The following SLX4IP variants were observed in gnomAD, a reference collection of about 807,000 sequenced individuals.
The protein encoded by SLX4IP is SLX4 interacting protein.
Under a neutral mutation model 32.9 loss-of-function variants are expected in SLX4IP, and 34 were observed. The observed-to-expected ratio is 1.03, with a 90% CI of 0.79 to 1.38. The LOEUF (loss-of-function observed/expected upper bound fraction) is 1.38. Ranked by LOEUF, SLX4IP falls within the 40% of genes most tolerant of loss-of-function variation. The probability of loss-of-function intolerance (pLI) is 0.00; values close to 1 mark genes in which losing one functional copy is unlikely to be tolerated. For missense variants in SLX4IP, 444 were observed against 479.0 expected (o/e 0.93, Z 0.68); for synonymous variants, 172 against 171.7 (o/e 1.00, Z -0.01).
chr20:10,543,711 A>G (rs2066133999), intron 2 of SLX4IP, among the ~76,000 whole-genome samples: 1 of 152,196 alleles, frequency 6.6e-6, no homozygotes, highest in Non-Finnish European at 1.5e-5. Flanking sequence ...AAGTAGTATG[A>G]GGATCATGAA....
At chr20:10,463,814 C>G (rs1289177753) in intron 2 of SLX4IP, among the ~76,000 whole-genome samples, 1 of 152,060 alleles carries the variant, frequency 6.6e-6, no homozygotes, top group Admixed American at 6.6e-5. Flanking sequence ...TGGGGTCTTG[C>G]CCTGTTGCTC....
chr20:10,613,661 C>G (rs1403670492), intron 6 of SLX4IP: 1 of 1,613,794 alleles, frequency 6.2e-7, no homozygotes, highest in African/African-American at 1.3e-5. Flanking sequence ...TCTTTGCATT[C>G]ATCTTTTGTG....
At chr20:10,531,055 C>A (rs1039680049) in intron 2 of SLX4IP, among the ~76,000 whole-genome samples, 1 of 152,178 alleles carries the variant, frequency 6.6e-6, no homozygotes, top group African/African-American at 2.4e-5. Context: ...CATGGATAGT[C>A]CACTGAGCAA....
intron 4 of SLX4IP, among the ~76,000 whole-genome samples, chr20:10,566,637 A>G (rs539197940): frequency 2.0e-5 from 3 of 152,294 alleles, no homozygotes; most frequent in East Asian, 3.9e-4. Context: ...CTCCAGTTCT[A>G]CAAGGTCCTG....
At chr20:10,515,585 C>A (rs757037666) in intron 2 of SLX4IP, among the ~76,000 whole-genome samples, 3 of 152,166 alleles carry the variant, frequency 2.0e-5, no homozygotes, top group African/African-American at 4.8e-5. Context: ...AAAACACTTA[C>A]AATTATAGTG....
At chr20:10,446,363 A>G (rs6104612) in intron 1 of SLX4IP, among the ~76,000 whole-genome samples, 91,052 of 149,634 alleles carry the variant, frequency 0.61, 28,050 homozygotes, top group Non-Finnish European at 0.66. Context: ...AGTGAGCCGA[A>G]ATTGGGCCAC....
At chr20:10,586,403 C>A (rs1332016974) in intron 4 of SLX4IP, among the ~76,000 whole-genome samples, 2 of 152,078 alleles carry the variant, frequency 1.3e-5, no homozygotes, top group African/African-American at 4.8e-5. Flanking sequence ...GGATATGGTT[C>A]AATAGAAAGT....
At chr20:10,549,186 G>A (rs1043462081) in intron 2 of SLX4IP, among the ~76,000 whole-genome samples, 1 of 152,038 alleles carries the variant, frequency 6.6e-6, no homozygotes, top group Non-Finnish European at 1.5e-5. Context: ...CCTCTTGCAG[G>A]GTTTATTGCT....
chr20:10,614,485 TG>T (rs1407136735), intron 6 of SLX4IP, among the ~76,000 whole-genome samples: 1 of 152,184 alleles, frequency 6.6e-6, no homozygotes, highest in Non-Finnish European at 1.5e-5. Flanking sequence ...TGGGATTGGC[TG>T]GTGCACCCCA....
intron 4 of SLX4IP, among the ~76,000 whole-genome samples, chr20:10,592,622 C>CTTTTTTT (rs33995611): frequency 2.4e-4 from 13 of 55,170 alleles, no homozygotes; most frequent in African/African-American, 3.4e-4. Flanking sequence ...TATTCTTCAT[C>CTTTTTTT]TTTTTTTTTT....
At chr20:10,529,738 T>C (rs1056805684) in intron 2 of SLX4IP, among the ~76,000 whole-genome samples, 38 of 152,074 alleles carry the variant, frequency 2.5e-4, no homozygotes, top group African/African-American at 8.9e-4. Context: ...TCTCCCATAA[T>C]TGCTATCATA....
Position 10,623,628 on chromosome 20 carries a change from T to C in SLX4IP, c.*249T>C. 1.8e-6 allele frequency: 1 copy of C among 543,362 alleles called. No homozygotes were observed. The highest frequency in any genetic ancestry group is 3.2e-6 in the Non-Finnish European group (1 of 316,974). The allele number at this position is 543,362 out of a possible 1,614,324, so 33.7% of individuals were successfully genotyped here. The stretch of plus-strand genomic sequence containing the variant: ...ATGACTGTCTTCAGAGAATTAGTAA[T>C]GACAAAGAGCCATCCACCTTGTCAG... On this transcript the variant is annotated 3_prime_UTR_variant, in exon 8 of 8. Coordinates refer to ENST00000334534, the MANE Select transcript of SLX4IP (RefSeq NM_001009608.3).
chr20:10,608,725 A>G (rs2066933352), intron 6 of SLX4IP, among the ~76,000 whole-genome samples: 1 of 151,264 alleles, frequency 6.6e-6, no homozygotes, highest in Non-Finnish European at 1.5e-5. Flanking sequence ...CTTATACAGT[A>G]TTAATTTTTA....
At chr20:10,521,488 G>C (rs912691071) in intron 2 of SLX4IP, among the ~76,000 whole-genome samples, 1 of 152,118 alleles carries the variant, frequency 6.6e-6, no homozygotes, top group Middle Eastern at 3.2e-3. Context: ...TACAGTCAAG[G>C]AACCTGATGC....
chr20:10,476,125 GT>G (rs1239655075), intron 2 of SLX4IP, among the ~76,000 whole-genome samples: 3 of 140,438 alleles, frequency 2.1e-5, no homozygotes, highest in African/African-American at 5.3e-5. Context: ...GTGTTTTAAG[GT>G]TTTTCACATC....
Position 10,533,613 on chromosome 20 carries a change from T to C in SLX4IP, c.28-22618T>C, listed in dbSNP as rs2066009386. 9.1e-5 allele frequency among the ~76,000 whole-genome samples: 12 copies of C among 131,340 alleles called. No individual in the cohort carries two copies. The South Asian group carries it at 3.2e-3, about 35-fold the overall frequency. The allele number at this position is 131,340 out of a possible 152,430, so 86.2% of individuals were successfully genotyped here. A position where few individuals can be genotyped will look rare whatever the true frequency, so the allele number is the denominator to read the frequency against. ...GATTACAGGTGTGAGCCACCATTCT[T>C]GGCCTTTTTTTTTTTTTTTTTTTTG... is the stretch of plus-strand genomic sequence containing the variant. On this transcript the variant is annotated intron_variant, in intron 2 of 7. Transcript: ENST00000334534.
chr20:10,464,924 G>GCC (rs2065367607), intron 2 of SLX4IP, among the ~76,000 whole-genome samples: 1 of 152,066 alleles, frequency 6.6e-6, no homozygotes, highest in Non-Finnish European at 1.5e-5. Context: ...TACGTAGCTG[G>GCC]GACTACAGGC....
intron 4 of SLX4IP, among the ~76,000 whole-genome samples, chr20:10,567,157 G>A (rs616060): frequency 0.31 from 47,736 of 152,000 alleles, 8,659 homozygotes; most frequent in South Asian, 0.48. Context: ...CTTTGAGCAG[G>A]TACTTTGGCA....
chr20:10,613,922 C>G (rs775572625), intron 6 of SLX4IP: 1 of 1,292,764 alleles, frequency 7.7e-7, no homozygotes, highest in East Asian at 2.3e-5. Flanking sequence ...GCCGCCAATA[C>G]GCCTCCCAGT....
Sources: allele counts gnomAD v4.1 joint callset (sites outside exome capture counted in the v4.1 genomes callset), GRCh38; gene constraint gnomAD v4.1.1; transcripts MANE v1.5; gene names NCBI Gene and HGNC (gene_info 2026-07-23, HGNC 2026-07-21).